Variants in MAGED1 observed in about 807,000 individuals in gnomAD.
MAGED1 encodes the protein melanoma-associated antigen D1.
A neutral mutation model predicts 54.1 loss-of-function variants in MAGED1; 3 were observed. That is an observed-to-expected ratio of 0.06 (90% CI 0.03 to 0.14). The LOEUF is 0.14. MAGED1 is among the 10% of genes least tolerant of loss of function. The pLI, the probability that MAGED1 is intolerant of heterozygous loss-of-function variation, is 1.00. For missense variants in MAGED1, 485 were observed against 623.4 expected (o/e 0.78, Z 2.36); for synonymous variants, 217 against 227.3 (o/e 0.95, Z 0.41).
At chrX:51,830,210 TTA>T (rs1926010192) in intron 1 of MAGED1, among the ~76,000 whole-genome samples, 1 of 111,542 alleles carries the variant, frequency 9.0e-6, no homozygotes, top group Non-Finnish European at 1.9e-5. Flanking sequence ...AATATACCAT[TTA>T]TATAAACTTA....
At chrX:51,887,993 AAAAG>A (rs1557362951) in intron 1 of MAGED1, among the ~76,000 whole-genome samples, 1 of 111,808 alleles carries the variant, frequency 8.9e-6, no homozygotes, top group African/African-American at 3.3e-5. Flanking sequence ...AGTAAAAGAG[AAAAG>A]AAAGAAAACA....
intron 10 of MAGED1, 128 bp from the exon 11 acceptor site, chrX:51,900,054 G>T: frequency 2.1e-6 from 1 of 484,896 alleles, no homozygotes. Flanking sequence ...ATACCCTGAT[G>T]GTGTTCAGGA....
At chrX:51,900,134 A>T in intron 10 of MAGED1, 48 bp from the exon 11 acceptor site, 1 of 796,080 alleles carries the variant, frequency 1.3e-6, no homozygotes, top group Non-Finnish European at 1.9e-6. Flanking sequence ...TTAGTGGACT[A>T]CCATTCTGCC....
chrX:51,832,260 G>A (rs1926098126), intron 1 of MAGED1, among the ~76,000 whole-genome samples: 1 of 111,142 alleles, frequency 9.0e-6, no homozygotes, highest in South Asian at 3.8e-4. Flanking sequence ...GAACTCCTAC[G>A]CTCAAGGGAT....
At position 51,897,599 on chromosome X, in the gene MAGED1, T is replaced by G. The variant is rs1159412192; in HGVS notation, c.1539T>G (p.Ile513Met). ...ACACTGATGTTTATCCAGAAATCATTGAACGTGCATGCTTTGTCCTAGAGA... is the reference window on the plus strand; with the variant it reads ...ACACTGATGTTTATCCAGAAATCATGGAACGTGCATGCTTTGTCCTAGAGA... ...REYTDVYPEI[I>M]ERACFVLEKK... Residue 513 changes from isoleucine to methionine, a missense_variant, in exon 6 of 13, where the codon ATT becomes ATG. Ile to Met is a conservative substitution (Grantham distance 10). Transcript: ENST00000326587. 3.3e-6 allele frequency: 4 copies of G among 1,204,511 alleles called. No homozygotes were observed. Among genetic ancestry groups the G allele is most frequent in the Non-Finnish European group, 4.5e-6 (4 of 892,042 alleles).
chrX:51,867,320 T>G (rs781924017), intron 1 of MAGED1, among the ~76,000 whole-genome samples: 1 of 111,727 alleles, frequency 9.0e-6, no homozygotes, highest in South Asian at 3.8e-4. Context: ...GAACTATATA[T>G]ACACATAAAA....
intron 1 of MAGED1, among the ~76,000 whole-genome samples, chrX:51,885,283 A>G (rs1487093441): frequency 6.2e-5 from 7 of 112,227 alleles, no homozygotes; most frequent in African/African-American, 1.9e-4. Flanking sequence ...GAGAAATTAT[A>G]TCTCTTTGTG....
At chrX:51,840,699 C>T (rs1251222509) in intron 1 of MAGED1, among the ~76,000 whole-genome samples, 1 of 108,712 alleles carries the variant, frequency 9.2e-6, no homozygotes, top group African/African-American at 3.4e-5. Flanking sequence ...GTTTTTTGTC[C>T]TTGCGATAGT....
chrX:51,858,465 C>G (rs1490012412), intron 1 of MAGED1, among the ~76,000 whole-genome samples: 1 of 112,176 alleles, frequency 8.9e-6, no homozygotes, highest in Non-Finnish European at 1.9e-5. Context: ...ACTATAAAGA[C>G]TTTATCATAT....
intron 1 of MAGED1, among the ~76,000 whole-genome samples, chrX:51,866,365 T>A (rs1602247217): frequency 1.8e-5 from 2 of 112,097 alleles, no homozygotes; most frequent in African/African-American, 6.5e-5. Context: ...ATGGTGTTAC[T>A]ATGGAAACGA....
chrX:51,835,251 A>G (rs1380998990), intron 1 of MAGED1, among the ~76,000 whole-genome samples: 3 of 111,461 alleles, frequency 2.7e-5, no homozygotes, highest in African/African-American at 9.8e-5. Context: ...ATTGTAGCTT[A>G]GCTTAGCCTA....
At chrX:51,873,660 G>A (rs1302358732) in intron 1 of MAGED1, among the ~76,000 whole-genome samples, 1 of 109,899 alleles carries the variant, frequency 9.1e-6, no homozygotes, top group Non-Finnish European at 1.9e-5. Context: ...AAATAATTAG[G>A]GGATATCTTT....
intron 1 of MAGED1, among the ~76,000 whole-genome samples, chrX:51,841,420 G>A (rs1557358565): frequency 9.0e-6 from 1 of 110,499 alleles, no homozygotes. Flanking sequence ...CTTTTGCTGT[G>A]CAGAAGCTCT....
intron 1 of MAGED1, among the ~76,000 whole-genome samples, chrX:51,831,182 T>G (rs1926052269): frequency 8.9e-6 from 1 of 112,619 alleles, no homozygotes; most frequent in African/African-American, 3.2e-5. Flanking sequence ...ATATGATAAC[T>G]ACATATCAAG....
chrX:51,855,815 CG>C (rs1569555789), intron 1 of MAGED1, among the ~76,000 whole-genome samples: 1 of 111,431 alleles, frequency 9.0e-6, no homozygotes, highest in Non-Finnish European at 1.9e-5. Context: ...CATGAGCCCC[CG>C]CACCGGGCTT....
At chrX:51,841,710 T>C (rs1328634458) in intron 1 of MAGED1, among the ~76,000 whole-genome samples, 2 of 111,715 alleles carry the variant, frequency 1.8e-5, no homozygotes, top group Non-Finnish European at 3.8e-5. Context: ...CCCCATTGCT[T>C]GTTTTTGTCA....
intron 1 of MAGED1, among the ~76,000 whole-genome samples, chrX:51,864,815 A>C (rs1453072921): frequency 8.9e-6 from 1 of 112,002 alleles, no homozygotes; most frequent in Non-Finnish European, 1.9e-5. Context: ...ATATTATGTA[A>C]CTTAATTCAT....
At chrX:51,858,789 T>C (rs1323011323) in intron 1 of MAGED1, among the ~76,000 whole-genome samples, 1 of 111,405 alleles carries the variant, frequency 9.0e-6, no homozygotes, top group African/African-American at 3.3e-5. Context: ...TATAAGGAAG[T>C]GGAGAAGCTA....
upstream of MAGED1, among the ~76,000 whole-genome samples, chrX:51,890,820 A>C (rs1557363402): frequency 9.9e-6 from 1 of 100,618 alleles, no homozygotes; most frequent in Non-Finnish European, 2.0e-5. Context: ...CAATAAATAC[A>C]CATAAGATTG....
Sources: gnomAD v4.1 joint callset for allele counts (sites outside exome capture counted in the v4.1 genomes callset) on GRCh38, gnomAD v4.1.1 for gene constraint, MANE v1.5 for transcripts, NCBI Gene and HGNC (gene_info 2026-07-23, HGNC 2026-07-21) for gene names.